HPSE2: variants seen among roughly 807,000 people sequenced by gnomAD.
HPSE2 encodes the protein heparanase 2 (inactive).
HPSE2 carries 38 observed loss-of-function variants against 60.5 expected under a neutral mutation model. The ratio of observed to expected loss-of-function variants is 0.63; its 90% CI spans 0.48 to 0.82. The LOEUF (loss-of-function observed/expected upper bound fraction) is 0.82. HPSE2 is among the 40% of genes least tolerant of loss of function. The probability of loss-of-function intolerance (pLI) is 0.00; values close to 1 mark genes in which losing one functional copy is unlikely to be tolerated. For missense variants in HPSE2, 713 were observed against 740.4 expected (o/e 0.96, Z 0.43); for synonymous variants, 295 against 293.2 (o/e 1.01, Z -0.06).
chr10:98,873,212 T>C (rs1426262405), intron 3 of HPSE2, among the ~76,000 whole-genome samples: 1 of 152,170 alleles, frequency 6.6e-6, no homozygotes, highest in Admixed American at 6.6e-5. Context: ...TACTCTAGTT[T>C]CTTTTTTTAA....
chr10:98,709,241 G>A (rs573943091), intron 5 of HPSE2, among the ~76,000 whole-genome samples: 9 of 152,276 alleles, frequency 5.9e-5, no homozygotes, highest in Admixed American at 3.9e-4. Flanking sequence ...ACATGCACAC[G>A]GAATAGTGCT....
intron 3 of HPSE2, among the ~76,000 whole-genome samples, chr10:99,105,877 C>T (rs1028161897): frequency 3.9e-5 from 6 of 152,008 alleles, no homozygotes; most frequent in Admixed American, 2.6e-4. Flanking sequence ...GTTGAAAAGA[C>T]TAGCTTTTCA....
chr10:98,478,149 A>G (rs534832343), intron 11 of HPSE2, among the ~76,000 whole-genome samples: 4 of 152,240 alleles, frequency 2.6e-5, no homozygotes, highest in African/African-American at 9.6e-5. Flanking sequence ...TGCCCCCAAA[A>G]TCTCCTCTGA....
chr10:98,562,305 G>A (rs960743918), intron 9 of HPSE2, among the ~76,000 whole-genome samples: 15 of 152,204 alleles, frequency 9.9e-5, no homozygotes, highest in Non-Finnish European at 1.5e-4. Flanking sequence ...TGCTAACAAT[G>A]CATTTCTTAG....
intron 9 of HPSE2, 56 bp from the exon 10 acceptor site, chr10:98,490,252 G>A: frequency 1.3e-6 from 2 of 1,491,620 alleles, no homozygotes; most frequent in South Asian, 1.2e-5. Context: ...CAGGTGTTCT[G>A]AGTAAACATG....
At chr10:98,838,478 T>TG (rs1951841745) in intron 3 of HPSE2, among the ~76,000 whole-genome samples, 1 of 151,634 alleles carries the variant, frequency 6.6e-6, no homozygotes, top group Admixed American at 6.6e-5. Context: ...TTTTTTTAGA[T>TG]GGGGTCTCAT....
Position 98,871,311 on chromosome 10 carries a change from G to A in HPSE2, c.611-127255C>T, listed in dbSNP as rs530722959. Among the ~76,000 whole-genome samples the A allele has an allele frequency of 3.3e-5, 5 of 152,044 alleles. No homozygotes were observed. The East Asian group carries it at 5.8e-4, about 18-fold the overall frequency. On this transcript the variant is annotated intron_variant, in intron 3 of 11. Transcript: ENST00000370552. ...TGACTACATCCATCATAATTGATACGAAAAGTACAGCTAGGAGGTGCACCC... is the reference window on the plus strand; with the variant it reads ...TGACTACATCCATCATAATTGATACAAAAAGTACAGCTAGGAGGTGCACCC...
chr10:98,518,203 A>G (rs1942665794), intron 9 of HPSE2, among the ~76,000 whole-genome samples: 1 of 152,160 alleles, frequency 6.6e-6, no homozygotes, highest in Admixed American at 6.5e-5. Flanking sequence ...GGGCTTTTTC[A>G]GGGAGAGTGT....
In HPSE2 at chr10:99,173,943, C is replaced by CAAAAA. The variant is rs61074165; in HGVS notation, c.449-29549_449-29545dup. On this transcript the variant is annotated intron_variant, in intron 2 of 11. Transcript: ENST00000370552. ...GAGCAACAAGAGCGAGACTCTGTCT[C>CAAAAA]AAAAAAAAAAAAAAAAAAAAAAAAA... 8.0e-5 allele frequency among the ~76,000 whole-genome samples: 8 copies of CAAAAA among 99,958 alleles called. 1 individual carries two copies. Among genetic ancestry groups the CAAAAA allele is most frequent in the African/African-American group, 5.0e-4 (8 of 15,850 alleles). 65.6% of individuals were successfully genotyped at this position (99,958 alleles called of 152,430 possible). A position where few individuals can be genotyped will look rare whatever the true frequency, so the allele number is the denominator to read the frequency against.
chr10:98,807,745 G>T (rs1951074486), intron 3 of HPSE2, among the ~76,000 whole-genome samples: 1 of 152,140 alleles, frequency 6.6e-6, no homozygotes, highest in Non-Finnish European at 1.5e-5. Context: ...TGATATAAAT[G>T]TAATAAAGAG....
chr10:98,614,368 C>T (rs912805595), intron 9 of HPSE2, among the ~76,000 whole-genome samples: 11 of 151,392 alleles, frequency 7.3e-5, no homozygotes, highest in Non-Finnish European at 1.3e-4. Context: ...TCTCGGCTCA[C>T]TGCAAGCTCT....
chr10:98,508,158 C>T (rs1323253513), intron 9 of HPSE2, among the ~76,000 whole-genome samples: 2 of 151,988 alleles, frequency 1.3e-5, no homozygotes, highest in Non-Finnish European at 2.9e-5. Context: ...ATGTATTAGA[C>T]GTGAGGAGAG....
chr10:99,263,423 C>A, the HPSE2 span, among the ~76,000 whole-genome samples: 59 of 152,288 alleles, frequency 3.9e-4, no homozygotes, highest in African/African-American at 1.4e-3. Context: ...GTTATATGGG[C>A]TGAAAGAGGT....
chr10:99,189,605 C>A (rs1285974814), intron 2 of HPSE2, among the ~76,000 whole-genome samples: 1 of 152,166 alleles, frequency 6.6e-6, no homozygotes, highest in African/African-American at 2.4e-5. Context: ...GTAGCTTAAC[C>A]CTAAATTAGG....
intron 3 of HPSE2, among the ~76,000 whole-genome samples, chr10:99,092,635 G>A (rs1163100435): frequency 6.6e-6 from 1 of 152,178 alleles, no homozygotes; most frequent in African/African-American, 2.4e-5. Context: ...TCTGAGGGAA[G>A]GTGCCTAACT....
At chr10:98,662,212 C>T (rs1207493488) in intron 6 of HPSE2, among the ~76,000 whole-genome samples, 1 of 152,094 alleles carries the variant, frequency 6.6e-6, no homozygotes, top group African/African-American at 2.4e-5. Context: ...GGAATCTTAA[C>T]GACCATTTGT....
intron 2 of HPSE2, among the ~76,000 whole-genome samples, chr10:99,207,589 A>G (rs1434584215): frequency 6.6e-6 from 1 of 152,238 alleles, no homozygotes; most frequent in African/African-American, 2.4e-5. Flanking sequence ...GCTATAATAA[A>G]GGAACCTTAA....
intron 3 of HPSE2, 71 bp downstream of exon 3, chr10:99,144,167 C>G (rs1845965821): frequency 1.4e-6 from 2 of 1,399,200 alleles, no homozygotes; most frequent in African/African-American, 1.4e-5. Context: ...TGTAGACAGA[C>G]AGATGTGTAC....
intron 9 of HPSE2, among the ~76,000 whole-genome samples, chr10:98,606,691 T>C (rs1323564047): frequency 1.3e-5 from 2 of 152,238 alleles, no homozygotes; most frequent in East Asian, 3.8e-4. Context: ...GTGAGGTATC[T>C]AATGACTGAC....
Sources: allele counts gnomAD v4.1 joint callset (sites outside exome capture counted in the v4.1 genomes callset), GRCh38; gene constraint gnomAD v4.1.1; transcripts MANE v1.5; gene names NCBI Gene and HGNC (gene_info 2026-07-23, HGNC 2026-07-21).